The following FAM81A variants were observed in gnomAD, a reference collection of about 807,000 sequenced individuals.
FAM81A encodes protein FAM81A.
Under a neutral mutation model 46.7 loss-of-function variants are expected in FAM81A, and 19 were observed. The ratio of observed to expected loss-of-function variants is 0.41; its 90% CI spans 0.28 to 0.60. The LOEUF is 0.60. Among genes scored for constraint, FAM81A ranks in the 20% least tolerant of loss-of-function variants. The pLI is 0.34. For synonymous variants in FAM81A, 183 were observed against 152.9 expected (o/e 1.20, Z -1.45); for missense variants, 377 against 453.5 (o/e 0.83, Z 1.53).
intron 2 of FAM81A, among the ~76,000 whole-genome samples, chr15:59,405,307 G>T (rs1306200683): frequency 1.3e-5 from 2 of 152,128 alleles, no homozygotes; most frequent in African/African-American, 4.8e-5. Context: ...AGTGGGAGGG[G>T]TTTGGGAGGG....
chr15:59,512,784 C>T (rs1267529276), intron 6 of FAM81A, among the ~76,000 whole-genome samples: 1 of 152,194 alleles, frequency 6.6e-6, no homozygotes, highest in Non-Finnish European at 1.5e-5. Flanking sequence ...TTCCAAGGCT[C>T]CAGTCCTCGT....
chr15:59,468,318 G>T (rs1222921367), intron 3 of FAM81A, among the ~76,000 whole-genome samples: 1 of 152,126 alleles, frequency 6.6e-6, no homozygotes, highest in African/African-American at 2.4e-5. Context: ...GTAGAATTCG[G>T]CTGTGAATCC....
intron 1 of FAM81A, chr15:59,401,845 C>CCTTG: frequency 1.3e-6 from 1 of 746,648 alleles, no homozygotes; most frequent in Non-Finnish European, 2.5e-6. Flanking sequence ...TCAGCATGGC[C>CCTTG]CTGTTTATGG....
At chr15:59,442,199 CACTCAGAATGTAAT>C (rs1314264360) in intron 1 of FAM81A, among the ~76,000 whole-genome samples, 2 of 152,222 alleles carry the variant, frequency 1.3e-5, no homozygotes, top group Admixed American at 6.5e-5. Context: ...GCCCACATTT[CACTCAGAATGTAAT>C]ACTCAGAAGC....
chr15:59,449,200 A>G (rs1354971567), intron 1 of FAM81A, among the ~76,000 whole-genome samples: 2 of 152,210 alleles, frequency 1.3e-5, no homozygotes, highest in Admixed American at 6.5e-5. Context: ...AGTTCTGTAC[A>G]TGCCCTGGAG....
At chr15:59,403,544 C>T (rs1251569457) in intron 2 of FAM81A, among the ~76,000 whole-genome samples, 1 of 152,174 alleles carries the variant, frequency 6.6e-6, no homozygotes, top group Non-Finnish European at 1.5e-5. Context: ...ATTTATGTTG[C>T]TTAAGACACC....
chr15:59,516,564 T>TA lies in FAM81A; in HGVS notation c.787-78dup. On this transcript the variant is annotated intron_variant, in intron 7 of 8. Transcript: ENST00000288228. ...AAATCTGTTTCTTGCAGATTGTTGTTAAACGATATTATGGCTGATGTGAAT... is the reference window on the plus strand; with the variant it reads ...AAATCTGTTTCTTGCAGATTGTTGTTAAAACGATATTATGGCTGATGTGAAT... 4 of 1,403,940 alleles carry TA rather than the reference T, an allele frequency of 2.8e-6. No homozygotes were observed. The South Asian group carries it at 5.2e-5, about 18-fold the overall frequency. The allele number at this position is 1,403,940 out of a possible 1,614,324, so 87.0% of individuals were successfully genotyped here.
chr15:59,492,239 A>G (rs1349727077), intron 3 of FAM81A, 32 bp from the exon 4 acceptor site: 2 of 1,515,174 alleles, frequency 1.3e-6, no homozygotes, highest in Non-Finnish European at 1.8e-6. Flanking sequence ...GAATTCTTAG[A>G]TGACTCCCTT....
At chr15:59,403,041 T>C (rs1337675466) in intron 2 of FAM81A, among the ~76,000 whole-genome samples, 5 of 95,042 alleles carry the variant, frequency 5.3e-5, no homozygotes, top group East Asian at 5.3e-4. Context: ...CTGATTTATA[T>C]AGGTTCTAGT....
At chr15:59,449,781 CAAAAAAAAAAAAAA>C (rs71119473) in intron 1 of FAM81A, among the ~76,000 whole-genome samples, 2 of 70,314 alleles carry the variant, frequency 2.8e-5, no homozygotes, top group African/African-American at 5.6e-5. Flanking sequence ...GACTCTGTCT[CAAAAAAAAAAAAAA>C]AAAAAAAAAA....
intron 3 of FAM81A, among the ~76,000 whole-genome samples, chr15:59,469,813 A>T (rs372677093): frequency 6.6e-6 from 1 of 152,198 alleles, no homozygotes; most frequent in Non-Finnish European, 1.5e-5. Flanking sequence ...CACAGCATCA[A>T]TGGTCTTTAC....
chr15:59,442,755 C>T (rs1278985765), intron 1 of FAM81A, among the ~76,000 whole-genome samples: 7 of 152,038 alleles, frequency 4.6e-5, no homozygotes, highest in Non-Finnish European at 1.0e-4. Context: ...CTCGCTCTAT[C>T]CTATTCTCTC....
chr15:59,478,127 T>G (rs938250801), intron 3 of FAM81A, among the ~76,000 whole-genome samples: 2 of 152,182 alleles, frequency 1.3e-5, no homozygotes, highest in East Asian at 3.8e-4. Flanking sequence ...CTGGGGGTAG[T>G]AGTTTGGACC....
intron 6 of FAM81A, among the ~76,000 whole-genome samples, chr15:59,513,424 C>T (rs772028084): frequency 3.9e-5 from 6 of 152,140 alleles, no homozygotes; most frequent in South Asian, 2.1e-4. Context: ...TCGGAACTGC[C>T]GGGGTCTGTG....
chr15:59,510,777 CAAAAAAAAAAAAAAAAA>C (rs71119479), intron 6 of FAM81A, among the ~76,000 whole-genome samples: 2 of 25,774 alleles, frequency 7.8e-5, no homozygotes, highest in Non-Finnish European at 1.3e-4. Flanking sequence ...GACCCTGTCT[CAAAAAAAAAAAAAAAAA>C]AAAAAAAAAA....
chr15:59,506,136 C>T (rs2082146509), intron 4 of FAM81A, among the ~76,000 whole-genome samples: 1 of 151,362 alleles, frequency 6.6e-6, no homozygotes, highest in African/African-American at 2.4e-5. Flanking sequence ...CTTCTAGAAG[C>T]CACAGATTTT....
chr15:59,493,260 G>A (rs4238339), intron 4 of FAM81A, among the ~76,000 whole-genome samples: 123,126 of 152,142 alleles, frequency 0.81, 50,401 homozygotes, highest in African/African-American at 0.94. Context: ...TGCAGACAAC[G>A]TGTCGAGGGC....
At position 59,521,515 on chromosome 15, in the gene FAM81A, G is replaced by C. The variant is rs2082328245; in HGVS notation, c.*137G>C. 1 of 967,246 alleles carries C rather than the reference G, an allele frequency of 1.0e-6. No homozygotes were observed. Among genetic ancestry groups the C allele is most frequent in the African/African-American group, 1.7e-5 (1 of 59,204 alleles). 59.9% of individuals were successfully genotyped at this position (967,246 alleles called of 1,614,324 possible). Reference sequence around the variant, plus strand: ...TGTGCCAAGAAATGTGTTTTTATGGGTCTAAATGTTTACCTTGAGTCTTGA... The same window carrying C: ...TGTGCCAAGAAATGTGTTTTTATGGCTCTAAATGTTTACCTTGAGTCTTGA... On this transcript the variant is annotated 3_prime_UTR_variant, in exon 9 of 9. Coordinates refer to ENST00000288228, the MANE Select transcript of FAM81A (RefSeq NM_152450.3).
Position 59,447,876 on chromosome 15 carries a change from G to T in FAM81A, c.-78+9594G>T, listed in dbSNP as rs143540368. ...TGAAGGGAGGAGGCCTCAGATACAG[G>T]AGCGAAGGAAGGCAGATAATTGGTG... On this transcript the variant is annotated intron_variant, in intron 1 of 8. Transcript: ENST00000288228. 1.9e-3 allele frequency among the ~76,000 whole-genome samples: 293 copies of T among 152,312 alleles called. 1 individual carries two copies. The highest frequency in any genetic ancestry group is 1.8e-3 in the Non-Finnish European group (121 of 68,022).
Sources: gnomAD v4.1 joint callset for allele counts (sites outside exome capture counted in the v4.1 genomes callset) on GRCh38, gnomAD v4.1.1 for gene constraint, MANE v1.5 for transcripts, NCBI Gene and HGNC (gene_info 2026-07-23, HGNC 2026-07-21) for gene names.